RANBP17: variants seen among roughly 807,000 people sequenced by gnomAD.
The protein encoded by RANBP17 is ran-binding protein 17.
Under a neutral mutation model 141.2 loss-of-function variants are expected in RANBP17, and 158 were observed. The observed-to-expected ratio is 1.12, with a 90% CI of 0.98 to 1.28. The LOEUF is 1.28. Among genes scored for constraint, RANBP17 ranks in the 50% most tolerant of loss-of-function variants. The pLI is 0.00. For synonymous variants in RANBP17, 430 were observed against 450.0 expected (o/e 0.96, Z 0.56); for missense variants, 1,438 against 1,290.7 (o/e 1.11, Z -1.75).
intron 14 of RANBP17, among the ~76,000 whole-genome samples, chr5:171,159,100 C>G (rs1759108662): frequency 1.3e-5 from 2 of 152,166 alleles, no homozygotes; most frequent in African/African-American, 4.8e-5. Context: ...GTTTAATATA[C>G]ATGAATATCA....
At chr5:171,132,025 T>G (rs1429369283) in intron 14 of RANBP17, among the ~76,000 whole-genome samples, 1 of 152,192 alleles carries the variant, frequency 6.6e-6, no homozygotes, top group Non-Finnish European at 1.5e-5. Context: ...CATGTAATTT[T>G]TTGCTAATGT....
chr5:171,055,173 T>TG (rs1274235312), intron 14 of RANBP17, among the ~76,000 whole-genome samples: 1 of 152,208 alleles, frequency 6.6e-6, no homozygotes, highest in East Asian at 1.9e-4. Context: ...GATATGGGGT[T>TG]GCTAGCTGAT....
chr5:171,059,261 T>G (rs1783636761), intron 14 of RANBP17, among the ~76,000 whole-genome samples: 1 of 152,190 alleles, frequency 6.6e-6, no homozygotes, highest in South Asian at 2.1e-4. Context: ...TGAATGGTAA[T>G]GCCTAGGTTT....
Position 170,878,520 on chromosome 5 carries a change from A to G in RANBP17, c.165+277A>G, listed in dbSNP as rs141722326. 5.1e-4 allele frequency among the ~76,000 whole-genome samples: 78 copies of G among 152,240 alleles called. No individual in the cohort carries two copies. In the Middle Eastern group the frequency reaches 0.014, roughly 27 times the overall value. On this transcript the variant is annotated intron_variant, in intron 2 of 27. Transcript: ENST00000523189. ...TTTTATGTCTCATATTAGTGGGCAA[A>G]TTTACATTTTTAGGAAGTTGACTAA... is the stretch of plus-strand genomic sequence containing the variant.
chr5:171,080,193 A>C (rs536973163), intron 14 of RANBP17, among the ~76,000 whole-genome samples: 2 of 151,902 alleles, frequency 1.3e-5, no homozygotes, highest in African/African-American at 2.4e-5. Context: ...AATGATTGCT[A>C]ATTACTTGGG....
intron 14 of RANBP17, among the ~76,000 whole-genome samples, chr5:171,113,681 C>G (rs1270701687): frequency 6.6e-6 from 1 of 152,134 alleles, no homozygotes; most frequent in Non-Finnish European, 1.5e-5. Flanking sequence ...AGCTAGGATT[C>G]AGACCTAGGC....
chr5:171,271,075 CTTTTTTTTTTT>C (rs531200106), intron 25 of RANBP17: 12 of 27,544 alleles, frequency 4.4e-4, no homozygotes, highest in Non-Finnish European at 6.1e-4. Flanking sequence ...TATGTTATTT[CTTTTTTTTTTT>C]TTTTTTTTTT....
At chr5:171,178,961 A>G (rs1345464249) in intron 16 of RANBP17, among the ~76,000 whole-genome samples, 3 of 152,026 alleles carry the variant, frequency 2.0e-5, no homozygotes, top group Non-Finnish European at 4.4e-5. Flanking sequence ...TTTTTCTCTC[A>G]TTCTGTAGGT....
intron 14 of RANBP17, among the ~76,000 whole-genome samples, chr5:170,995,676 GT>G (rs531517167): frequency 6.6e-6 from 1 of 152,084 alleles, no homozygotes; most frequent in South Asian, 2.1e-4. Flanking sequence ...AAAAAGTTTT[GT>G]TCTTTACCCC....
At chr5:171,234,861 G>T (rs1006298363) in intron 22 of RANBP17, among the ~76,000 whole-genome samples, 1 of 152,172 alleles carries the variant, frequency 6.6e-6, no homozygotes, top group African/African-American at 2.4e-5. Context: ...TGGAAAATAG[G>T]TCTAGGGAGT....
At chr5:170,911,500 T>G (rs1357588655) in intron 7 of RANBP17, 2 of 712,834 alleles carry the variant, frequency 2.8e-6, no homozygotes, top group Non-Finnish European at 5.3e-6. Context: ...CCTTTAAATC[T>G]TCAGGATCAG....
chr5:170,967,927 GT>G (rs1246380170), intron 13 of RANBP17, among the ~76,000 whole-genome samples: 2 of 151,326 alleles, frequency 1.3e-5, no homozygotes, highest in East Asian at 1.9e-4. Flanking sequence ...GTAGTATAGG[GT>G]TTTTTATGTG....
intron 14 of RANBP17, chr5:170,983,340 T>C: frequency 4.1e-6 from 1 of 243,864 alleles, no homozygotes; most frequent in Non-Finnish European, 8.0e-6. Flanking sequence ...TTTACAGATC[T>C]GGAATAGTGT....
chr5:170,930,864 T>A (rs1773313885), intron 12 of RANBP17, among the ~76,000 whole-genome samples: 1 of 152,226 alleles, frequency 6.6e-6, no homozygotes, highest in Non-Finnish European at 1.5e-5. Context: ...AGTGCCACAA[T>A]AAACATACAT....
At chr5:171,002,552 G>T (rs1561975131) in intron 14 of RANBP17, among the ~76,000 whole-genome samples, 1 of 152,090 alleles carries the variant, frequency 6.6e-6, no homozygotes, top group Non-Finnish European at 1.5e-5. Flanking sequence ...ACAGCATGGT[G>T]GTGCAGGATA....
chr5:171,156,491 T>A (rs907352626), intron 14 of RANBP17, among the ~76,000 whole-genome samples: 1 of 152,176 alleles, frequency 6.6e-6, no homozygotes, highest in Non-Finnish European at 1.5e-5. Flanking sequence ...ACGGCTTTTA[T>A]GTCATGTGAA....
chr5:171,091,879 C>T (rs970030313), intron 14 of RANBP17, among the ~76,000 whole-genome samples: 1 of 152,136 alleles, frequency 6.6e-6, no homozygotes, highest in African/African-American at 2.4e-5. Flanking sequence ...TTGTAAATCG[C>T]CCAGTCTTGG....
At chr5:171,151,498 A>T (rs982023667) in intron 14 of RANBP17, among the ~76,000 whole-genome samples, 8 of 152,252 alleles carry the variant, frequency 5.3e-5, no homozygotes, top group African/African-American at 1.9e-4. Context: ...ACTTCTCCCA[A>T]GCAATGGCAC....
At chr5:170,895,982 C>A in intron 4 of RANBP17, 68 bp from the exon 5 acceptor site, 1 of 746,296 alleles carries the variant, frequency 1.3e-6, no homozygotes, top group Non-Finnish European at 2.1e-6. Context: ...GTAAATGTTA[C>A]CTGGTATATA....
Sources: gnomAD v4.1 joint callset for allele counts (sites outside exome capture counted in the v4.1 genomes callset) on GRCh38, gnomAD v4.1.1 for gene constraint, MANE v1.5 for transcripts, NCBI Gene and HGNC (gene_info 2026-07-23, HGNC 2026-07-21) for gene names.